Variants in OGG1 observed in about 807,000 individuals in gnomAD.
OGG1 encodes 8-oxoguanine DNA glycosylase.
In OGG1, 35 loss-of-function variants were observed where a neutral mutation model predicts 42.3. The ratio of observed to expected loss-of-function variants is 0.83; its 90% CI spans 0.63 to 1.10. OGG1 has a LOEUF of 1.10. Ranked by LOEUF, OGG1 falls within the 50% of genes least tolerant of loss-of-function variation. The pLI, the probability that OGG1 is intolerant of heterozygous loss-of-function variation, is 0.00. For synonymous variants in OGG1, 189 were observed against 179.0 expected (o/e 1.06, Z -0.44); for missense variants, 484 against 446.7 (o/e 1.08, Z -0.75).
At chr3:9,769,348 T>C (rs969741451), downstream of OGG1, among the ~76,000 whole-genome samples, 5 of 151,826 alleles carry the variant, frequency 3.3e-5, no homozygotes, top group Non-Finnish European at 7.4e-5. Flanking sequence ...CCCCAAGTCC[T>C]TACACACCTA....
downstream of OGG1, chr3:9,760,829 G>C: frequency 6.2e-7 from 1 of 1,605,600 alleles, no homozygotes; most frequent in Non-Finnish European, 8.5e-7. Context: ...CCGGGGTGGA[G>C]CACTGGGGCA....
At chr3:9,763,337 C>A in intron 7 of OGG1, 1 of 1,148,400 alleles carries the variant, frequency 8.7e-7, no homozygotes, top group Non-Finnish European at 1.2e-6. Flanking sequence ...AAGCTGCAGT[C>A]TGTTATGATT....
rs774382240 is a variant in OGG1, at chr3:9,756,809, C to G, written c.941C>G (p.Ala314Gly). 6.2e-7 allele frequency: 1 copy of G among 1,613,844 alleles called. No individual in the cohort carries two copies. Among genetic ancestry groups the G allele is most frequent in the African/African-American group, 1.3e-5 (1 of 74,866 alleles). The change falls in exon 6 of 7, where the codon GCC (alanine) becomes GGC (glycine). Residue 314 changes from alanine to glycine, a missense_variant. Transcript: ENST00000344629. ...CTGTGGGGACCTTATGCTGGCTGGGCCCAAGCGGTGAGTGTACCTAGGTGT... is the reference window on the plus strand; with the variant it reads ...CTGTGGGGACCTTATGCTGGCTGGGGCCAAGCGGTGAGTGTACCTAGGTGT... Reference protein sequence around the residue: ...RSLWGPYAGWAQAVLFSADLR... With the variant: ...RSLWGPYAGWGQAVLFSADLR...
chr3:9,757,296 G>C lies in OGG1; in HGVS notation c.*146G>C. ...CAGGCACCCCCAAATCAAGCAGTCA[G>C]TTTGCACAACAAGATGGGGTGGGGG... is the stretch of plus-strand genomic sequence containing the variant. On this transcript the variant is annotated 3_prime_UTR_variant, in exon 7 of 7. Coordinates refer to ENST00000344629, the MANE Select transcript of OGG1 (RefSeq NM_002542.6). This position sits in a 1 kb window ranked among gnomAD's most constrained non-coding sequence, Gnocchi z 4.5. 1 of 1,614,196 alleles carries C rather than the reference G, an allele frequency of 6.2e-7. No homozygotes were observed. The highest frequency in any genetic ancestry group is 8.5e-7 in the Non-Finnish European group (1 of 1,180,038).
chr3:9,785,381 C>A (rs1209995283), intron 3 of OGG1: 14 of 1,614,076 alleles, frequency 8.7e-6, no homozygotes, highest in South Asian at 7.7e-5. Flanking sequence ...CTTTCCCAGA[C>A]ATGTCAGGAA....
intron 2 of OGG1, among the ~76,000 whole-genome samples, chr3:9,776,312 C>T (rs1265652235): frequency 6.6e-6 from 1 of 151,956 alleles, no homozygotes; most frequent in Non-Finnish European, 1.5e-5. Context: ...TCCTGACCCT[C>T]TAAGCTGTTG....
At chr3:9,764,863 T>C (rs1227453601) in intron 7 of OGG1, among the ~76,000 whole-genome samples, 1 of 151,982 alleles carries the variant, frequency 6.6e-6, no homozygotes, top group Non-Finnish European at 1.5e-5. Flanking sequence ...ATCTTGATGA[T>C]GAGGAAGGCT....
chr3:9,769,878 G>A (rs2125602372), downstream of OGG1: 1 of 152,342 alleles, frequency 6.6e-6, no homozygotes, highest in South Asian at 2.1e-4. Flanking sequence ...CGCGGTGGTT[G>A]GCGCCGAGCT....
At chr3:9,767,117 GCA>G (rs2078176719), downstream of OGG1, among the ~76,000 whole-genome samples, 1 of 152,116 alleles carries the variant, frequency 6.6e-6, no homozygotes, top group South Asian at 2.1e-4. Context: ...TCTGACAAGT[GCA>G]CACCTACCCA....
At chr3:9,789,196 A>T (rs1257632890), downstream of OGG1, among the ~76,000 whole-genome samples, 2 of 152,162 alleles carry the variant, frequency 1.3e-5, no homozygotes, top group African/African-American at 4.8e-5. Flanking sequence ...ACAGGAAGAG[A>T]GTTAAGAGGC....
chr3:9,778,495 C>CT (rs1459744758), intron 2 of OGG1, among the ~76,000 whole-genome samples: 2 of 152,182 alleles, frequency 1.3e-5, no homozygotes, highest in African/African-American at 4.8e-5. Context: ...TGTGGGAAGT[C>CT]TAAGGGAGGA....
At chr3:9,768,588 G>C (rs2078220977), downstream of OGG1, among the ~76,000 whole-genome samples, 1 of 152,180 alleles carries the variant, frequency 6.6e-6, no homozygotes, top group Admixed American at 6.5e-5. Context: ...CTGGCCTGGG[G>C]CCCCCAGCTA....
At chr3:9,756,899 C>T in intron 6 of OGG1, 83 bp downstream of exon 6, 1 of 1,612,204 alleles carries the variant, frequency 6.2e-7, no homozygotes, top group East Asian at 2.2e-5. Context: ...CCCCAGGTGG[C>T]CCTAAAGGAC....
chr3:9,766,143 T>C, exon 8 of OGG1: 1 of 1,061,202 alleles, frequency 9.4e-7, no homozygotes, highest in Non-Finnish European at 1.4e-6. Flanking sequence ...TGAGAATGAG[T>C]CTCCTGTTGA....
chr3:9,761,013 TC>T, downstream of OGG1: 1 of 483,660 alleles, frequency 2.1e-6, no homozygotes, highest in East Asian at 3.9e-5. Flanking sequence ...TGCCACTCTT[TC>T]CCCACACCTC....
At chr3:9,787,703 G>A in intron 3 of OGG1, 1 of 1,319,574 alleles carries the variant, frequency 7.6e-7, no homozygotes, top group South Asian at 1.2e-5. Flanking sequence ...TGAATTTACT[G>A]CTGTCTGTAT....
At chr3:9,766,899 C>G (rs956183170), downstream of OGG1, among the ~76,000 whole-genome samples, 2 of 152,118 alleles carry the variant, frequency 1.3e-5, no homozygotes, top group African/African-American at 4.8e-5. Flanking sequence ...AAGTGTCTCC[C>G]GGTGGCCTAT....
downstream of OGG1, chr3:9,759,282 T>C: frequency 6.2e-7 from 1 of 1,611,968 alleles, no homozygotes; most frequent in Non-Finnish European, 8.5e-7. Flanking sequence ...CCTCTAGACT[T>C]GGAGGTGAGG....
chr3:9,761,958 G>A (rs1386432634), downstream of OGG1: 5 of 664,668 alleles, frequency 7.5e-6, no homozygotes, highest in East Asian at 1.2e-4. Context: ...GTGTGGGGGG[G>A]AACTGTCTCT....
Sources: gnomAD v4.1 joint callset for allele counts (sites outside exome capture counted in the v4.1 genomes callset) on GRCh38, gnomAD v4.1.1 for gene constraint, Gnocchi (gnomAD v3.1) non-coding constraint, MANE v1.5 for transcripts, NCBI Gene and HGNC (gene_info 2026-07-23, HGNC 2026-07-21) for gene names.